The following OR9Q1 variants were observed in gnomAD, a reference collection of about 807,000 sequenced individuals.
OR9Q1 encodes olfactory receptor family 9 subfamily Q member 1, also known as olfactory receptor 9Q1.
For synonymous variants in OR9Q1, 153 were observed against 148.6 expected (o/e 1.03, Z -0.22); for missense variants, 374 against 378.8 (o/e 0.99, Z 0.11).
At chr11:58,030,953 A>T in intron 1 of OR9Q1, 1 of 1,605,830 alleles carries the variant, frequency 6.2e-7, no homozygotes, top group East Asian at 2.2e-5. Flanking sequence ...ACTGCCACAT[A>T]TGCAACCATA....
intron 1 of OR9Q1, among the ~76,000 whole-genome samples, chr11:58,047,877 C>T (rs956955994): frequency 4.1e-4 from 63 of 152,066 alleles, no homozygotes; most frequent in African/African-American, 1.4e-3. Context: ...AGAGAGACTC[C>T]GTCTCACATT....
chr11:58,031,224 A>T lies in OR9Q1; in HGVS notation c.-93+7120A>T, dbSNP rs1434419241. 1 of 1,614,114 alleles carries T rather than the reference A, an allele frequency of 6.2e-7. No homozygotes were observed. The highest frequency in any genetic ancestry group is 1.7e-5 in the Admixed American group (1 of 60,014). Reference sequence around the variant, plus strand: ...ATGCTGGCTGGTTTTATTGGGGTGGATGGTGGCAAGAATATCTCTTATGCT... The same window carrying T: ...ATGCTGGCTGGTTTTATTGGGGTGGTTGGTGGCAAGAATATCTCTTATGCT... On this transcript the variant is annotated intron_variant, in intron 1 of 2. Coordinates refer to ENST00000335397, the MANE Select transcript of OR9Q1 (RefSeq NM_001005212.4).
chr11:58,027,574 T>C (rs1852987813), intron 1 of OR9Q1, among the ~76,000 whole-genome samples: 2 of 152,130 alleles, frequency 1.3e-5, no homozygotes, highest in South Asian at 2.1e-4. Flanking sequence ...ACAGAAAATA[T>C]TGGGTAATCC....
chr11:58,084,276 G>A (rs919526070), intron 2 of OR9Q1, among the ~76,000 whole-genome samples: 9 of 151,716 alleles, frequency 5.9e-5, no homozygotes, highest in Non-Finnish European at 1.2e-4. Flanking sequence ...TATTAGACAT[G>A]CTACTGATTT....
At chr11:58,075,013 G>GGT (rs1418946033) in intron 2 of OR9Q1, among the ~76,000 whole-genome samples, 1 of 152,128 alleles carries the variant, frequency 6.6e-6, no homozygotes. Flanking sequence ...CTGTAGCCTT[G>GGT]TAGTATAGTT....
At chr11:58,122,858 TGTG>T (rs1854048372) in intron 2 of OR9Q1, among the ~76,000 whole-genome samples, 1 of 152,160 alleles carries the variant, frequency 6.6e-6, no homozygotes, top group East Asian at 1.9e-4. Flanking sequence ...ATATAGTGGC[TGTG>T]GTGTGTTTTA....
At chr11:58,073,259 C>A in intron 2 of OR9Q1, 1 of 214,684 alleles carries the variant, frequency 4.7e-6, no homozygotes, top group Non-Finnish European at 1.1e-5. Context: ...CTCTCTCTGT[C>A]CATCTGTGAT....
intron 2 of OR9Q1, chr11:58,119,045 C>A (rs147179661): frequency 6.2e-7 from 1 of 1,613,948 alleles, no homozygotes. Flanking sequence ...TTCATGGCCA[C>A]GGTATAGAGC....
At chr11:58,106,333 T>C (rs890941401) in intron 2 of OR9Q1, among the ~76,000 whole-genome samples, 13 of 152,136 alleles carry the variant, frequency 8.5e-5, no homozygotes, top group African/African-American at 3.1e-4. Flanking sequence ...GTCCATTTTT[T>C]AATTGTATTA....
chr11:58,057,558 G>A (rs1218905641), intron 2 of OR9Q1: 1 of 152,126 alleles, frequency 6.6e-6, no homozygotes, highest in Non-Finnish European at 1.5e-5. Context: ...ATGAAGAATG[G>A]GTGTCTGTGC....
chr11:58,108,295 T>A (rs1005647187), intron 2 of OR9Q1, among the ~76,000 whole-genome samples: 6 of 152,194 alleles, frequency 3.9e-5, no homozygotes, highest in Non-Finnish European at 5.9e-5. Flanking sequence ...TTTATAGCTA[T>A]AATTTTCTAC....
At position 58,125,697 on chromosome 11, in the gene OR9Q1, C is replaced by T. The variant is rs186819199; in HGVS notation, c.-14-53734C>T. On this transcript the variant is annotated intron_variant, in intron 2 of 2. Transcript: ENST00000335397. The stretch of plus-strand genomic sequence containing the variant: ...AGCCCCTGGGACTCCAGAGAATAGC[C>T]GGCCCGGTCAGGGAGACCACACTTC... Among the ~76,000 whole-genome samples the T allele has an allele frequency of 2.2e-4, 34 of 152,230 alleles. No individual in the cohort carries two copies. In the East Asian group the frequency reaches 3.9e-3, roughly 17 times the overall value.
At chr11:58,111,275 A>G (rs1853896666) in intron 2 of OR9Q1, among the ~76,000 whole-genome samples, 1 of 152,144 alleles carries the variant, frequency 6.6e-6, no homozygotes, top group African/African-American at 2.4e-5. Flanking sequence ...GTCCTAGAGT[A>G]CTGAATTTAA....
intron 1 of OR9Q1, among the ~76,000 whole-genome samples, chr11:58,032,904 A>C (rs1382044781): frequency 6.6e-6 from 1 of 152,212 alleles, no homozygotes; most frequent in African/African-American, 2.4e-5. Context: ...GACTTAAATC[A>C]ACAAGAAAAA....
intron 1 of OR9Q1, among the ~76,000 whole-genome samples, chr11:58,042,953 T>C (rs1390185379): frequency 6.6e-6 from 1 of 152,190 alleles, no homozygotes; most frequent in Non-Finnish European, 1.5e-5. Context: ...TGTTTGTCTG[T>C]TATTGGTGTG....
intron 2 of OR9Q1, among the ~76,000 whole-genome samples, chr11:58,156,501 T>A (rs1360965920): frequency 6.6e-6 from 1 of 152,188 alleles, no homozygotes; most frequent in African/African-American, 2.4e-5. Context: ...TGTGATTGTA[T>A]CTTTTCTCTA....
chr11:58,108,689 T>C (rs1853866122), intron 2 of OR9Q1: 2 of 207,114 alleles, frequency 9.7e-6, no homozygotes, highest in South Asian at 9.0e-5. Flanking sequence ...GGAGAAAAGA[T>C]GGGTCATGAT....
chr11:58,098,629 G>A (rs2513712), intron 2 of OR9Q1, among the ~76,000 whole-genome samples: 20,756 of 152,084 alleles, frequency 0.14, 2,336 homozygotes, highest in African/African-American at 0.27. Context: ...GCGAGACTCC[G>A]TCTAAAATAA....
chr11:58,114,897 C>T (rs888586081), intron 2 of OR9Q1, among the ~76,000 whole-genome samples: 7 of 152,058 alleles, frequency 4.6e-5, no homozygotes, highest in African/African-American at 1.4e-4. Context: ...CTGGGACTTC[C>T]GGCTGCAATG....
Sources: allele counts gnomAD v4.1 joint callset (sites outside exome capture counted in the v4.1 genomes callset), GRCh38; gene constraint gnomAD v4.1.1; transcripts MANE v1.5; gene names NCBI Gene and HGNC (gene_info 2026-07-23, HGNC 2026-07-21).